The following ALG11 variants were observed in gnomAD, a reference collection of about 807,000 sequenced individuals.
The protein encoded by ALG11 is ALG11 alpha-1,2-mannosyltransferase.
ALG11 carries 26 observed loss-of-function variants against 38.8 expected under a neutral mutation model. The observed-to-expected ratio is 0.67, with a 90% CI of 0.49 to 0.93. The LOEUF (loss-of-function observed/expected upper bound fraction) is 0.93. ALG11 is among the 40% of genes least tolerant of loss of function. ALG11 has a pLI of 0.00. For synonymous variants in ALG11, 199 were observed against 211.6 expected, an observed-to-expected ratio of 0.94 and a Z score of 0.52; for missense variants, 535 against 578.8, an observed-to-expected ratio of 0.92 and a Z score of 0.78.
rs750644292 is a variant in ALG11 at position 52,028,787 on chromosome 13, G to A, written c.*197G>A. The A allele has an allele frequency of 8.1e-6, 13 of 1,614,184 alleles. No homozygotes were observed. Among genetic ancestry groups the A allele is most frequent in the Admixed American group, 1.7e-5 (1 of 60,016 alleles). On this transcript the variant is annotated 3_prime_UTR_variant, in exon 4 of 4. Coordinates refer to ENST00000521508, the MANE Select transcript of ALG11 (RefSeq NM_001004127.3). Reference sequence around the variant, plus strand: ...CGGCTTCCATTCTTGGTATACATGAGAGAGGCTGGCTGCTGAGATGAATGT... The same window carrying A: ...CGGCTTCCATTCTTGGTATACATGAAAGAGGCTGGCTGCTGAGATGAATGT...
At chr13:52,019,975 C>T (rs1954170937) in intron 2 of ALG11, among the ~76,000 whole-genome samples, 1 of 152,158 alleles carries the variant, frequency 6.6e-6, no homozygotes, top group African/African-American at 2.4e-5. Context: ...ATGGGGAAAA[C>T]ATCTGCCCTT....
chr13:52,019,159 T>C lies in ALG11; in HGVS notation c.275+16T>C. ...TGCAGAAAAAGTAGGTATCCATCTT[T>C]CTTAGCTAATTTGCTATATTGTTCC... On this transcript the variant is annotated intron_variant, in intron 2 of 3. Transcript: ENST00000521508. 1.3e-6 allele frequency: 2 copies of C among 1,588,214 alleles called. No homozygotes were observed. The highest frequency in any genetic ancestry group is 1.7e-6 in the Non-Finnish European group (2 of 1,156,694).
Position 52,028,520 on chromosome 13 carries a change from C to T in ALG11, c.1409C>T (p.Ser470Phe), listed in dbSNP as rs1954264347. ...CAAATCAGAAAAAGTGCTCGTGCAT[C>T]TGTAAGCAGATTCTCTGATCAGGAA... The part of the protein sequence containing the change: ...RLQIRKSARA[S>F]VSRFSDQEFE... Residue 470 changes from serine to phenylalanine, a missense_variant, in exon 4 of 4, where the codon TCT becomes TTT. By Grantham distance (155) the Ser-to-Phe change is radical (BLOSUM62 -2). Transcript: ENST00000521508. 5.0e-6 allele frequency: 8 copies of T among 1,614,156 alleles called. No homozygotes were observed. Among genetic ancestry groups the T allele is most frequent in the Non-Finnish European group, 5.9e-6 (7 of 1,179,998 alleles).
Position 52,030,563 on chromosome 13 carries a change from G to A in ALG11, c.*1973G>A. ...AATAGAGGAGCTGGAAGATGAAGAG[G>A]AGAGAGACCAAAGGCAGATGATAAA... On this transcript the variant is annotated 3_prime_UTR_variant, in exon 4 of 4. Transcript: ENST00000521508. 1 of 1,614,178 alleles carries A rather than the reference G, an allele frequency of 6.2e-7. No individual in the cohort carries two copies. The highest frequency in any genetic ancestry group is 8.5e-7 in the Non-Finnish European group (1 of 1,180,038).
chr13:52,022,800 G>A (rs1318563612), intron 2 of ALG11: 1 of 151,104 alleles, frequency 6.6e-6, no homozygotes, highest in Non-Finnish European at 1.5e-5. Flanking sequence ...CTGGGTTCAA[G>A]CAATTCTCCT....
rs1954290884 is a variant in ALG11, at chr13:52,030,484, G to C, written c.*1894G>C. On this transcript the variant is annotated 3_prime_UTR_variant, in exon 4 of 4. Coordinates refer to ENST00000521508, the MANE Select transcript of ALG11 (RefSeq NM_001004127.3). ...AGAAGGAGCAACTGATCAACCTACA[G>C]AACTTCCTGACCACACAGTCTCCTT... 1.9e-6 allele frequency: 3 copies of C among 1,614,226 alleles called. No homozygotes were observed. Among genetic ancestry groups the C allele is most frequent in the African/African-American group, 1.3e-5 (1 of 75,056 alleles).
chr13:52,017,067 G>A (rs1954140568), intron 1 of ALG11: 1 of 152,206 alleles, frequency 6.6e-6, no homozygotes, highest in South Asian at 2.1e-4. Flanking sequence ...GTGAGACCTG[G>A]AGTCAAAGGA....
intron 1 of ALG11, among the ~76,000 whole-genome samples, chr13:52,013,755 C>A (rs1328823665): frequency 6.6e-6 from 1 of 152,134 alleles, no homozygotes; most frequent in Non-Finnish European, 1.5e-5. Context: ...TAAATCTTAC[C>A]ACTTTTGTCA....
Position 52,028,340 on chromosome 13 carries a change from C to G in ALG11, c.1229C>G (p.Ala410Gly). Residue 410 changes from alanine (A) to glycine (G), a missense_variant, in exon 4 of 4, where the codon GCT (alanine) becomes GGT (glycine). Ala to Gly is a moderately conservative substitution (Grantham distance 60). Coordinates refer to ENST00000521508, the MANE Select transcript of ALG11 (RefSeq NM_001004127.3). The part of the protein sequence containing the change: ...FGIGVVECMA[A>G]GTIILAHNSG... The stretch of plus-strand genomic sequence containing the variant: ...TCAGGAGTTGTGGAGTGTATGGCAG[C>G]TGGCACAATTATCCTTGCACACAAT... The G allele has an allele frequency of 6.2e-7, 1 of 1,614,134 alleles. No homozygotes were observed. Among genetic ancestry groups the G allele is most frequent in the Non-Finnish European group, 8.5e-7 (1 of 1,180,028 alleles).
intron 2 of ALG11, 194 bp from the exon 3 acceptor site, chr13:52,023,812 T>TTTTG: frequency 4.0e-6 from 1 of 247,118 alleles, no homozygotes; most frequent in Non-Finnish European, 7.6e-6. Context: ...TTTTTTTTTT[T>TTTTG]GAGATGGAGT....
chr13:52,024,503 C>G lies in ALG11; in HGVS notation c.773C>G (p.Ser258Cys), dbSNP rs1487238344. ...TGCAGTGATGTAGTCATGGTCAATT[C>G]TTCTTGGACACTAAACCATATTCTC... ...GSCSDVVMVN[S>C]SWTLNHILSL... Residue 258 changes from serine (S) to cysteine (C), a missense_variant, in exon 3 of 4, where the codon TCT (serine) becomes TGT (cysteine). Physicochemically the swap from Ser to Cys is moderately radical, Grantham distance 112 (BLOSUM62 -1). Coordinates refer to ENST00000521508, the MANE Select transcript of ALG11 (RefSeq NM_001004127.3). The G allele has an allele frequency of 1.2e-6, 2 of 1,614,026 alleles. No homozygotes were observed. The highest frequency in any genetic ancestry group is 2.7e-5 in the African/African-American group (2 of 74,916).
At chr13:52,020,293 A>G (rs2140834234) in intron 2 of ALG11, among the ~76,000 whole-genome samples, 1 of 152,324 alleles carries the variant, frequency 6.6e-6, no homozygotes, top group South Asian at 2.1e-4. Context: ...TCTTTTAGAA[A>G]GGAAAAAGCA....
intron 1 of ALG11, among the ~76,000 whole-genome samples, chr13:52,018,530 T>G (rs906037060): frequency 6.6e-6 from 1 of 152,234 alleles, no homozygotes; most frequent in Non-Finnish European, 1.5e-5. Context: ...ATATTTTTTT[T>G]GGCATCTGAC....
Position 52,029,444 on chromosome 13 carries a change from A to G in ALG11, c.*854A>G. ...CATGGAAAAGGCCTCTCTCCAAGCC[A>G]TGAGCCTGGAAGAGGCAAAGATGCA... On this transcript the variant is annotated 3_prime_UTR_variant, in exon 4 of 4. Transcript: ENST00000521508. The G allele has an allele frequency of 1.2e-6, 2 of 1,614,238 alleles. No homozygotes were observed. The highest frequency in any genetic ancestry group is 1.7e-6 in the Non-Finnish European group (2 of 1,180,052).
chr13:52,027,093 T>C (rs1954248566), intron 3 of ALG11, among the ~76,000 whole-genome samples: 1 of 151,760 alleles, frequency 6.6e-6, no homozygotes. Flanking sequence ...CTGGGGAAGG[T>C]AAGGCAGTCA....
chr13:52,031,054 G>C lies in ALG11; in HGVS notation c.*2464G>C. The C allele has an allele frequency of 6.2e-7, 1 of 1,614,150 alleles. No individual in the cohort carries two copies. The highest frequency in any genetic ancestry group is 8.5e-7 in the Non-Finnish European group (1 of 1,180,030). On this transcript the variant is annotated 3_prime_UTR_variant, in exon 4 of 4. Transcript: ENST00000521508. The stretch of plus-strand genomic sequence containing the variant: ...CAAGGTCAGACCTGCCTGTCATACA[G>C]AGGAATCCAAAACGAATCACCACAC...
At position 52,033,018 on chromosome 13, in the gene ALG11, C is replaced by A. The variant is rs1954320213; in HGVS notation, c.*4428C>A. On this transcript the variant is annotated 3_prime_UTR_variant, in exon 4 of 4. Transcript: ENST00000521508. Reference sequence around the variant, plus strand: ...ATGTAGTGAAGGAAGAAAAAGTTTTCTGGAATTCCGTAAATTATATTTTAA... The same window carrying A: ...ATGTAGTGAAGGAAGAAAAAGTTTTATGGAATTCCGTAAATTATATTTTAA... The A allele has an allele frequency of 6.0e-6, 1 of 167,026 alleles. No homozygotes were observed. Among genetic ancestry groups the A allele is most frequent in the Non-Finnish European group, 1.5e-5 (1 of 68,124 alleles). 10.3% of individuals were successfully genotyped at this position (167,026 alleles called of 1,614,324 possible).
At position 52,029,095 on chromosome 13, in the gene ALG11, T is replaced by A. The variant is rs760871714; in HGVS notation, c.*505T>A. 1.1e-5 allele frequency: 17 copies of A among 1,614,112 alleles called. No individual in the cohort carries two copies. In the South Asian group the frequency reaches 1.3e-4, roughly 13 times the overall value. On this transcript the variant is annotated 3_prime_UTR_variant, in exon 4 of 4. Transcript: ENST00000521508. ...TGCTTGAGCCCGTTAAAACTTCATC[T>A]TCTTTGGCCACTGTAAAAAAGCAAC...
rs985699496 is a variant in ALG11, at chr13:52,018,951, G to T, written c.83G>T (p.Cys28Phe). The change falls in exon 2 of 4, where the codon TGT becomes TTT. Residue 28 changes from cysteine to phenylalanine, a missense_variant. Coordinates refer to ENST00000521508, the MANE Select transcript of ALG11 (RefSeq NM_001004127.3). Reference protein sequence around the residue: ...YSLFFPGLIVCGTLCVCLVIV... With the variant: ...YSLFFPGLIVFGTLCVCLVIV... ...TTATTCTTCCCTGGGCTCATTGTATGTGGAACTTTATGTGTGTGTTTGGTC... is the reference window on the plus strand; with the variant it reads ...TTATTCTTCCCTGGGCTCATTGTATTTGGAACTTTATGTGTGTGTTTGGTC... 1.2e-6 allele frequency: 2 copies of T among 1,613,934 alleles called. No homozygotes were observed. The highest frequency in any genetic ancestry group is 8.5e-7 in the Non-Finnish European group (1 of 1,179,990).
Sources: gnomAD v4.1 joint callset for allele counts (sites outside exome capture counted in the v4.1 genomes callset) on GRCh38, gnomAD v4.1.1 for gene constraint, MANE v1.5 for transcripts, NCBI Gene and HGNC (gene_info 2026-07-23, HGNC 2026-07-21) for gene names.